The following NBEA variants were observed in gnomAD, a reference collection of about 807,000 sequenced individuals.
The protein encoded by NBEA is neurobeachin.
A neutral mutation model predicts 343.4 loss-of-function variants in NBEA; 44 were observed. The observed-to-expected ratio is 0.13, with a 90% CI of 0.10 to 0.16. The LOEUF is 0.16. Among genes scored for constraint, NBEA ranks in the 10% least tolerant of loss-of-function variants. The pLI, the probability that NBEA is intolerant of heterozygous loss-of-function variation, is 1.00. For synonymous variants in NBEA, 1,175 were observed against 1,238.7 expected (o/e 0.95, Z 1.08); for missense variants, 2,555 against 3,631.3 (o/e 0.70, Z 7.62).
intron 34 of NBEA, among the ~76,000 whole-genome samples, chr13:35,257,246 C>T (rs2032718179): frequency 1.3e-5 from 2 of 152,132 alleles, no homozygotes; most frequent in South Asian, 4.1e-4. Flanking sequence ...TTATATGAGG[C>T]ATGTACAGGT....
intron 48 of NBEA, among the ~76,000 whole-genome samples, chr13:35,618,176 T>G (rs999771589): frequency 1.4e-4 from 22 of 152,194 alleles, no homozygotes; most frequent in African/African-American, 5.3e-4. Context: ...TCCAAAGAGA[T>G]GACATTCACA....
At chr13:34,976,800 G>A (rs1432654227) in intron 1 of NBEA, among the ~76,000 whole-genome samples, 1 of 151,694 alleles carries the variant, frequency 6.6e-6, no homozygotes, top group African/African-American at 2.4e-5. Context: ...TTGAGTCATA[G>A]AGCTGTTTTA....
In NBEA at chr13:35,065,227, G is replaced by T. The variant is rs898997565; in HGVS notation, c.1240-4681G>T. Among the ~76,000 whole-genome samples, 6 of 151,986 alleles carry T rather than the reference G, an allele frequency of 3.9e-5. No homozygotes were observed. The East Asian group carries it at 1.2e-3, about 30-fold the overall frequency. On this transcript the variant is annotated intron_variant, in intron 8 of 58. Transcript: ENST00000379939. The stretch of plus-strand genomic sequence containing the variant: ...ATACTTTATACTTGAAAGCCATTTT[G>T]CCTGGCTATAAAATCCCTGACTTTT...
chr13:35,279,449 A>G (rs1341719381), intron 34 of NBEA, among the ~76,000 whole-genome samples: 8 of 152,218 alleles, frequency 5.3e-5, no homozygotes, highest in Non-Finnish European at 1.0e-4. Context: ...TCAGACTAAA[A>G]TAATTCTGAA....
At chr13:35,135,592 A>T (rs1429821072) in intron 17 of NBEA, among the ~76,000 whole-genome samples, 1 of 152,052 alleles carries the variant, frequency 6.6e-6, no homozygotes, top group African/African-American at 2.4e-5. Context: ...TTAAAGGTTA[A>T]AAAAACTCTT....
chr13:35,569,380 T>A (rs2153027731), intron 45 of NBEA, among the ~76,000 whole-genome samples: 2 of 152,262 alleles, frequency 1.3e-5, no homozygotes. Context: ...ATATATACGA[T>A]AAAAATTCAG....
At chr13:35,020,952 G>A (rs2061817817) in intron 1 of NBEA, among the ~76,000 whole-genome samples, 2 of 152,086 alleles carry the variant, frequency 1.3e-5, no homozygotes, top group Non-Finnish European at 2.9e-5. Context: ...TATAGGCTTT[G>A]CTTCTTGCTT....
chr13:35,054,511 A>G (rs769582040), intron 6 of NBEA, among the ~76,000 whole-genome samples: 4 of 152,130 alleles, frequency 2.6e-5, no homozygotes, highest in Non-Finnish European at 5.9e-5. Flanking sequence ...AAAAAACTTA[A>G]AAAAGGATGT....
intron 34 of NBEA, among the ~76,000 whole-genome samples, chr13:35,277,082 A>G (rs1381497899): frequency 6.6e-6 from 1 of 152,214 alleles, no homozygotes; most frequent in Non-Finnish European, 1.5e-5. Context: ...AACATAGGAG[A>G]TACCTATATG....
chr13:35,283,535 A>G (rs747668430), intron 34 of NBEA, among the ~76,000 whole-genome samples: 2 of 152,168 alleles, frequency 1.3e-5, no homozygotes, highest in Non-Finnish European at 2.9e-5. Flanking sequence ...ATCTTCGAAA[A>G]TATCTCATGT....
At chr13:35,325,427 A>T (rs775266626) in intron 36 of NBEA, among the ~76,000 whole-genome samples, 9 of 152,054 alleles carry the variant, frequency 5.9e-5, no homozygotes, top group Non-Finnish European at 1.3e-4. Context: ...AAACATTATT[A>T]TTTAAAGAAT....
At chr13:35,167,257 C>G (rs1012086017) in intron 24 of NBEA, among the ~76,000 whole-genome samples, 7 of 151,882 alleles carry the variant, frequency 4.6e-5, no homozygotes, top group Non-Finnish European at 4.4e-5. Flanking sequence ...TATTTTTTGT[C>G]TGCTGTTTCT....
chr13:35,499,799 C>T (rs987660743), intron 41 of NBEA, among the ~76,000 whole-genome samples: 3 of 152,046 alleles, frequency 2.0e-5, no homozygotes, highest in African/African-American at 4.8e-5. Context: ...TAAACTGTTG[C>T]GATATCCTCA....
At chr13:35,146,006 C>T (rs1021505152) in intron 18 of NBEA, among the ~76,000 whole-genome samples, 7 of 152,116 alleles carry the variant, frequency 4.6e-5, no homozygotes, top group African/African-American at 1.7e-4. Flanking sequence ...TTATTTTTGT[C>T]TTTTAAAGAG....
At chr13:35,562,009 C>T (rs1478643679) in intron 44 of NBEA, among the ~76,000 whole-genome samples, 2 of 151,812 alleles carry the variant, frequency 1.3e-5, no homozygotes, top group African/African-American at 4.8e-5. Context: ...CCGTAAATAT[C>T]ACAGTTGACA....
At chr13:35,139,338 G>C (rs2067940220) in intron 17 of NBEA, among the ~76,000 whole-genome samples, 1 of 152,086 alleles carries the variant, frequency 6.6e-6, no homozygotes, top group African/African-American at 2.4e-5. Context: ...TGGGATTACA[G>C]GCATGAGCCA....
chr13:35,213,726 C>A (rs1055032110), intron 33 of NBEA, among the ~76,000 whole-genome samples: 2 of 151,414 alleles, frequency 1.3e-5, no homozygotes, highest in African/African-American at 4.8e-5. Context: ...CTGAAGTTTT[C>A]AGATAAACTT....
intron 38 of NBEA, among the ~76,000 whole-genome samples, chr13:35,407,618 A>G (rs1212758160): frequency 6.6e-6 from 1 of 152,108 alleles, no homozygotes. Flanking sequence ...TCAAAAAGAC[A>G]TGTGTCTGTC....
At chr13:35,669,125 TAATC>T (rs2085489471) in intron 58 of NBEA, among the ~76,000 whole-genome samples, 1 of 152,232 alleles carries the variant, frequency 6.6e-6, no homozygotes, top group Non-Finnish European at 1.5e-5. Context: ...ATATGGATGT[TAATC>T]AATTAATAAT....
Sources: gnomAD v4.1 joint callset for allele counts (sites outside exome capture counted in the v4.1 genomes callset) on GRCh38, gnomAD v4.1.1 for gene constraint, MANE v1.5 for transcripts, NCBI Gene and HGNC (gene_info 2026-07-23, HGNC 2026-07-21) for gene names.